The following PC variants were observed in gnomAD, a reference collection of about 807,000 sequenced individuals.
The protein encoded by PC is pyruvate carboxylase, mitochondrial.
Under a neutral mutation model 107.8 loss-of-function variants are expected in PC, and 46 were observed. The ratio of observed to expected loss-of-function variants is 0.43; its 90% CI spans 0.34 to 0.55. The LOEUF (loss-of-function observed/expected upper bound fraction) is 0.55. Ranked by LOEUF, PC falls within the 20% of genes least tolerant of loss-of-function variation. The pLI is 0.04. For synonymous variants in PC, 662 were observed against 684.7 expected (o/e 0.97, Z 0.52); for missense variants, 1,241 against 1,643.1 (o/e 0.76, Z 4.23).
intron 10 of PC, among the ~76,000 whole-genome samples, chr11:66,867,097 A>C (rs1048052709): frequency 6.6e-6 from 1 of 152,156 alleles, no homozygotes; most frequent in African/African-American, 2.4e-5. Flanking sequence ...AACAAACAAA[A>C]AAACCAGGCT....
At chr11:66,937,554 T>C (rs539947034) in intron 3 of PC, among the ~76,000 whole-genome samples, 1 of 152,240 alleles carries the variant, frequency 6.6e-6, no homozygotes, top group Non-Finnish European at 1.5e-5. Flanking sequence ...CTCCTCTCCT[T>C]CTGGGACTCT....
chr11:66,916,814 C>A (rs1288032273), intron 3 of PC, among the ~76,000 whole-genome samples: 1 of 151,690 alleles, frequency 6.6e-6, no homozygotes, highest in South Asian at 2.1e-4. Flanking sequence ...ATTATCCGGG[C>A]GTGGTGGCAG....
At position 66,857,850 on chromosome 11, in the gene PC, C is replaced by G; in HGVS notation, c.1369-4467G>C. ...CGAGTCGCTCAGCACCCTCTGTGCC[C>G]ACCGAGGCCTGCTGTTTGTGCCGCC... On this transcript the variant is annotated intron_variant, in intron 12 of 22. Coordinates refer to ENST00000393960, the MANE Select transcript of PC (RefSeq NM_001040716.2). This position sits in a 1 kb window ranked among gnomAD's most constrained non-coding sequence, Gnocchi z 7.1. 4 of 1,608,276 alleles carry G rather than the reference C, an allele frequency of 2.5e-6. No homozygotes were observed. Among genetic ancestry groups the G allele is most frequent in the Non-Finnish European group, 3.4e-6 (4 of 1,179,878 alleles).
At chr11:66,900,178 G>GC (rs1947896797) in intron 3 of PC, among the ~76,000 whole-genome samples, 1 of 107,436 alleles carries the variant, frequency 9.3e-6, no homozygotes, top group Non-Finnish European at 1.7e-5. Context: ...CTCCAACGTT[G>GC]TTTTTTTTTT....
At chr11:66,902,104 T>A (rs1317424825) in intron 3 of PC, among the ~76,000 whole-genome samples, 3 of 152,168 alleles carry the variant, frequency 2.0e-5, no homozygotes, top group Non-Finnish European at 4.4e-5. Flanking sequence ...CAGCTTCAGT[T>A]CCTGGAAGAG....
chr11:66,912,473 G>C (rs1392982489), intron 3 of PC, among the ~76,000 whole-genome samples: 2 of 152,246 alleles, frequency 1.3e-5, no homozygotes, highest in African/African-American at 4.8e-5. Context: ...GACACAAGAA[G>C]AGGCAGCGAG....
chr11:66,913,570 G>A (rs1948394322), intron 3 of PC, among the ~76,000 whole-genome samples: 1 of 151,614 alleles, frequency 6.6e-6, no homozygotes, highest in Admixed American at 6.6e-5. Flanking sequence ...GCTGAGGCAG[G>A]AGAATCTCTT....
chr11:66,911,527 C>T (rs1436403125), intron 3 of PC, among the ~76,000 whole-genome samples: 2 of 152,018 alleles, frequency 1.3e-5, no homozygotes, highest in African/African-American at 4.8e-5. Flanking sequence ...GAGCTATGAT[C>T]ACACTTGTAA....
chr11:66,852,582 G>C lies in PC; in HGVS notation c.1682C>G (p.Pro561Arg). Residue 561 changes from proline to arginine, a missense_variant, in exon 15 of 23, where the codon CCG becomes CGG. By Grantham distance (103) the Pro-to-Arg change is moderately radical (BLOSUM62 -2). Around this residue, in one of 2 missense-constraint regions of PC, gnomAD observed 1,143 missense variants for 1,551.9 expected, o/e 0.74. Transcript: ENST00000393960. This position sits in a 1 kb window ranked among gnomAD's most constrained non-coding sequence, Gnocchi z 4.7. ...EGFARAVRNHPGLLLMDTTFR... is the reference protein window; with the variant it reads ...EGFARAVRNHRGLLLMDTTFR... ...GGTCGTGTCCATCAGCAGCAGCCCCGGGTGGTTCCGCACAGCTCGAGCAAA... is the reference window on the plus strand; with the variant it reads ...GGTCGTGTCCATCAGCAGCAGCCCCCGGTGGTTCCGCACAGCTCGAGCAAA... The C allele has an allele frequency of 6.2e-7, 1 of 1,613,998 alleles. No homozygotes were observed. Among genetic ancestry groups the C allele is most frequent in the Non-Finnish European group, 8.5e-7 (1 of 1,180,008 alleles).
At chr11:66,884,656 C>CA (rs1947298170) in intron 3 of PC, among the ~76,000 whole-genome samples, 2 of 152,274 alleles carry the variant, frequency 1.3e-5, no homozygotes, top group East Asian at 1.9e-4. Flanking sequence ...CTGTGCCCCC[C>CA]ACACCCATAT....
chr11:66,906,617 T>C (rs1948171754), intron 3 of PC, among the ~76,000 whole-genome samples: 1 of 151,720 alleles, frequency 6.6e-6, no homozygotes, highest in South Asian at 2.1e-4. Context: ...GTCACCTCCA[T>C]CCCCCCAGTC....
chr11:66,889,205 AAGTG>A lies in PC; in HGVS notation c.1-17050_1-17047del, dbSNP rs1393230394. Among the ~76,000 whole-genome samples, 3 of 152,022 alleles carry A rather than the reference AAGTG, an allele frequency of 2.0e-5. No individual in the cohort carries two copies. The East Asian group carries it at 5.8e-4, about 29-fold the overall frequency. ...GGGTTTGAGATGGGGAGGGCAGTAAAAGTGAGCTCAATCTTCCATCAAAGGAGAC... is the reference window on the plus strand; with the variant it reads ...GGGTTTGAGATGGGGAGGGCAGTAAAAGCTCAATCTTCCATCAAAGGAGAC... On this transcript the variant is annotated intron_variant, in intron 3 of 22. Transcript: ENST00000393960.
intron 3 of PC, among the ~76,000 whole-genome samples, chr11:66,947,350 G>A (rs145786175): frequency 1.3e-4 from 20 of 150,318 alleles, no homozygotes; most frequent in African/African-American, 4.9e-4. Flanking sequence ...TTGGGAGGCC[G>A]AGGCGGGAGG....
intron 10 of PC, among the ~76,000 whole-genome samples, chr11:66,867,291 C>A (rs1468247858): frequency 6.6e-6 from 1 of 152,096 alleles, no homozygotes; most frequent in Non-Finnish European, 1.5e-5. Context: ...GAGGCTGAGG[C>A]AGGAGAATCA....
chr11:66,952,647 T>C (rs1565309027), intron 2 of PC, among the ~76,000 whole-genome samples, 179 bp from the exon 3 acceptor site: 1 of 152,196 alleles, frequency 6.6e-6, no homozygotes, highest in Non-Finnish European at 1.5e-5. Context: ...ATTCAAGCGA[T>C]TCTCCTGCCT....
At chr11:66,906,079 G>A (rs1173400913) in intron 3 of PC, among the ~76,000 whole-genome samples, 3 of 152,152 alleles carry the variant, frequency 2.0e-5, no homozygotes, top group Non-Finnish European at 2.9e-5. Flanking sequence ...GCAGTAACAT[G>A]AACTCTCAAA....
At chr11:66,897,346 A>G (rs1243964504) in intron 3 of PC, among the ~76,000 whole-genome samples, 3 of 152,184 alleles carry the variant, frequency 2.0e-5, no homozygotes, top group African/African-American at 4.8e-5. Flanking sequence ...CGAAGCAGGC[A>G]GATTACCTGA....
chr11:66,893,049 T>G (rs1445206395), intron 3 of PC, among the ~76,000 whole-genome samples: 1 of 152,122 alleles, frequency 6.6e-6, no homozygotes, highest in Admixed American at 6.5e-5. Context: ...GCAAGCATGA[T>G]TCAACCCTGA....
Position 66,852,669 on chromosome 11 carries a change from G to A in PC, c.1604-9C>T, listed in dbSNP as rs1439987432. ...ACCAGCCGGGGGCGGGCCTAGGGTA[G>A]ACAGGGGCATTGGTGCCCATCCTGC... On this transcript the variant is annotated splice_polypyrimidine_tract_variant and intron_variant, in intron 14 of 22. Transcript: ENST00000393960. This position sits in a 1 kb window ranked among gnomAD's most constrained non-coding sequence, Gnocchi z 4.7. 6.2e-7 allele frequency: 1 copy of A among 1,613,302 alleles called. No individual in the cohort carries two copies. Among genetic ancestry groups the A allele is most frequent in the Non-Finnish European group, 8.5e-7 (1 of 1,179,372 alleles).
Sources: allele counts gnomAD v4.1 joint callset (sites outside exome capture counted in the v4.1 genomes callset), GRCh38; gene constraint gnomAD v4.1.1; regional missense constraint gnomAD v4.1.1; non-coding constraint Gnocchi (gnomAD v3.1); transcripts MANE v1.5; gene names NCBI Gene and HGNC (gene_info 2026-07-23, HGNC 2026-07-21).